The following KCNT2 variants were observed in gnomAD, a reference collection of about 807,000 sequenced individuals.
KCNT2 encodes the protein potassium sodium-activated channel subfamily T member 2, also known as potassium channel subfamily T member 2.
KCNT2 carries 67 observed loss-of-function variants against 153.8 expected under a neutral mutation model. The observed-to-expected ratio is 0.44, with a 90% CI of 0.36 to 0.53. The LOEUF is 0.53. Ranked by LOEUF, KCNT2 falls within the 20% of genes least tolerant of loss-of-function variation. The probability of loss-of-function intolerance (pLI) is 0.00; values close to 1 mark genes in which losing one functional copy is unlikely to be tolerated. For missense variants in KCNT2, 975 were observed against 1,354.8 expected, an observed-to-expected ratio of 0.72 and a Z score of 4.40; for synonymous variants, 500 against 458.8, an observed-to-expected ratio of 1.09 and a Z score of -1.15.
At chr1:196,492,148 AAAAT>A in intron 2 of KCNT2, 110 bp downstream of exon 2, 1 of 1,104,302 alleles carries the variant, frequency 9.1e-7, no homozygotes, top group Non-Finnish European at 1.2e-6. Context: ...CCTGCTGGAA[AAAAT>A]AACCAATTTT....
At position 196,377,695 on chromosome 1, in the gene KCNT2, T is replaced by G. The variant is rs192212397; in HGVS notation, c.1295-4447A>C. Among the ~76,000 whole-genome samples the G allele has an allele frequency of 2.6e-5, 4 of 152,146 alleles. No homozygotes were observed. The East Asian group carries it at 7.7e-4, about 29-fold the overall frequency. Reference sequence around the variant, plus strand: ...AATAGAACTCTCTTAAGTAGTACATTGTTTGCTTGTGATCAAAAATCTAAT... The same window carrying G: ...AATAGAACTCTCTTAAGTAGTACATGGTTTGCTTGTGATCAAAAATCTAAT... On this transcript the variant is annotated intron_variant, in intron 13 of 27. Coordinates refer to ENST00000294725, the MANE Select transcript of KCNT2 (RefSeq NM_198503.5).
chr1:196,506,862 A>G (rs1681186186), intron 1 of KCNT2, among the ~76,000 whole-genome samples: 1 of 152,108 alleles, frequency 6.6e-6, no homozygotes, highest in African/African-American at 2.4e-5. Context: ...TAATGTAATT[A>G]TTTTTAGTCA....
chr1:196,379,498 G>A (rs1558217942), intron 13 of KCNT2, among the ~76,000 whole-genome samples: 1 of 151,702 alleles, frequency 6.6e-6, no homozygotes, highest in African/African-American at 2.4e-5. Context: ...CTTGAACTCA[G>A]GAGGTAGTGG....
intron 13 of KCNT2, among the ~76,000 whole-genome samples, chr1:196,377,949 TGATATGGACAGG>T (rs774182609): frequency 6.6e-6 from 1 of 152,016 alleles, no homozygotes; most frequent in Non-Finnish European, 1.5e-5. Context: ...AGAAAGATGG[TGATATGGACAGG>T]GCAACAAAAT....
At chr1:196,494,255 A>T (rs998633202) in intron 1 of KCNT2, among the ~76,000 whole-genome samples, 6 of 152,210 alleles carry the variant, frequency 3.9e-5, no homozygotes, top group Non-Finnish European at 8.8e-5. Flanking sequence ...CTACATAAAC[A>T]AATTTGAGAG....
At chr1:196,458,274 T>C (rs1385868170) in intron 8 of KCNT2, among the ~76,000 whole-genome samples, 2 of 151,826 alleles carry the variant, frequency 1.3e-5, no homozygotes, top group African/African-American at 2.4e-5. Context: ...TAAATTATGT[T>C]TTGTAAGACT....
At chr1:196,316,690 A>G (rs1319023097) in intron 20 of KCNT2, among the ~76,000 whole-genome samples, 1 of 151,704 alleles carries the variant, frequency 6.6e-6, no homozygotes, top group African/African-American at 2.4e-5. Flanking sequence ...TAAAGTAGGA[A>G]ACACATACCT....
chr1:196,501,090 T>C (rs1176748353), intron 1 of KCNT2, among the ~76,000 whole-genome samples: 2 of 152,218 alleles, frequency 1.3e-5, no homozygotes, highest in African/African-American at 2.4e-5. Flanking sequence ...GGTGCACTTA[T>C]ACACCACTGG....
intron 15 of KCNT2, among the ~76,000 whole-genome samples, chr1:196,340,805 C>T (rs1463240917): frequency 2.0e-5 from 3 of 151,718 alleles, no homozygotes; most frequent in South Asian, 2.1e-4. Flanking sequence ...ACATAAGAAA[C>T]ATGAGTGCAT....
chr1:196,267,565 A>G (rs1657663724), intron 25 of KCNT2, among the ~76,000 whole-genome samples: 1 of 152,192 alleles, frequency 6.6e-6, no homozygotes, highest in African/African-American at 2.4e-5. Context: ...TGCAATTACA[A>G]TAGGCAATCA....
intron 27 of KCNT2, among the ~76,000 whole-genome samples, chr1:196,230,050 G>A (rs1169773912): frequency 6.6e-6 from 1 of 152,006 alleles, no homozygotes; most frequent in Non-Finnish European, 1.5e-5. Flanking sequence ...ATTGATGAAG[G>A]TGGCTAAATT....
At position 196,423,120 on chromosome 1, in the gene KCNT2, A is replaced by G. The variant is rs754523850; in HGVS notation, c.1122-7T>C. ...GGCCTCAGCGTCATCCATCCTAAAT[A>G]CAGATGGAAAAACAAAATAATCACA... On this transcript the variant is annotated splice_region_variant and splice_polypyrimidine_tract_variant and intron_variant, in intron 11 of 27. Transcript: ENST00000294725. The G allele has an allele frequency of 4.4e-6, 7 of 1,581,416 alleles. No homozygotes were observed. The highest frequency in any genetic ancestry group is 3.4e-5 in the Admixed American group (2 of 58,384).
chr1:196,376,023 C>T (rs1668938281), intron 13 of KCNT2, among the ~76,000 whole-genome samples: 1 of 151,770 alleles, frequency 6.6e-6, no homozygotes, highest in Non-Finnish European at 1.5e-5. Flanking sequence ...CTCTTAGGTC[C>T]AAATCCATCC....
At chr1:196,347,803 C>T (rs867775593) in intron 14 of KCNT2, among the ~76,000 whole-genome samples, 25 of 152,226 alleles carry the variant, frequency 1.6e-4, no homozygotes, top group African/African-American at 6.0e-4. Context: ...TAGGATTTTC[C>T]ACAATACTTT....
intron 13 of KCNT2, among the ~76,000 whole-genome samples, chr1:196,376,495 TA>T (rs1668980934): frequency 6.6e-6 from 1 of 151,886 alleles, no homozygotes; most frequent in Non-Finnish European, 1.5e-5. Flanking sequence ...CCACCAAGAC[TA>T]CAAAAATATT....
Position 196,225,961 on chromosome 1 carries a change from C to A in KCNT2, c.*2263G>T, listed in dbSNP as rs550567121. On this transcript the variant is annotated 3_prime_UTR_variant, in exon 28 of 28. Transcript: ENST00000294725. The stretch of plus-strand genomic sequence containing the variant: ...AAAAAGGCAACATTTCATTAAAAGT[C>A]TTTTATAAGCATGTTTTTATTCTTT... 3.0e-4 allele frequency: 45 copies of A among 152,036 alleles called. No individual in the cohort carries two copies. Among genetic ancestry groups the A allele is most frequent in the African/African-American group, 1.1e-3 (44 of 41,524 alleles). The allele number at this position is 152,036 out of a possible 1,614,324, so 9.4% of individuals were successfully genotyped here.
At chr1:196,338,442 T>C (rs989832586) in intron 16 of KCNT2, among the ~76,000 whole-genome samples, 1 of 151,996 alleles carries the variant, frequency 6.6e-6, no homozygotes, top group Admixed American at 6.6e-5. Context: ...TAAAAGGGGG[T>C]TCTTTTAATA....
Position 196,258,480 on chromosome 1 carries a change from G to A in KCNT2, c.2925C>T (p.Ile975=), listed in dbSNP as rs1396684445. ...KLTTSESQIS[I]SVEEWEDTKD... is the part of the protein sequence containing the mutation. ...TGGTGTCTTCCCACTCTTCTACACT[G>A]ATAGATATTTGAGACTTTAAAGGAA... Residue 975 remains isoleucine (I), a synonymous_variant, in exon 26 of 28, where the codon ATC becomes ATT. Transcript: ENST00000294725. 6.3e-7 allele frequency: 1 copy of A among 1,577,078 alleles called. No individual in the cohort carries two copies. Among genetic ancestry groups the A allele is most frequent in the Non-Finnish European group, 8.7e-7 (1 of 1,152,768 alleles).
chr1:196,285,467 G>T (rs560944930), intron 23 of KCNT2, among the ~76,000 whole-genome samples, 190 bp downstream of exon 23: 1 of 152,136 alleles, frequency 6.6e-6, no homozygotes, highest in East Asian at 1.9e-4. Context: ...TTTAAAAATA[G>T]TATTTTTCTT....
Sources: allele counts gnomAD v4.1 joint callset (sites outside exome capture counted in the v4.1 genomes callset), GRCh38; gene constraint gnomAD v4.1.1; transcripts MANE v1.5; gene names NCBI Gene and HGNC (gene_info 2026-07-23, HGNC 2026-07-21).